The following CCDC62 variants were observed in gnomAD, a reference collection of about 807,000 sequenced individuals.
CCDC62 encodes coiled-coil domain-containing protein 62.
CCDC62 carries 72 observed loss-of-function variants against 80.8 expected under a neutral mutation model. The observed-to-expected ratio is 0.89, with a 90% CI of 0.74 to 1.08. CCDC62 has a LOEUF of 1.08. Among genes scored for constraint, CCDC62 ranks in the 50% least tolerant of loss-of-function variants. CCDC62 has a pLI of 0.00. For missense variants in CCDC62, 704 were observed against 809.4 expected (o/e 0.87, Z 1.58); for synonymous variants, 286 against 296.5 (o/e 0.96, Z 0.36).
chr12:122,791,820 G>T (rs2030625993), intron 5 of CCDC62, among the ~76,000 whole-genome samples, 200 bp from the exon 6 acceptor site: 1 of 152,210 alleles, frequency 6.6e-6, no homozygotes, highest in Non-Finnish European at 1.5e-5. Context: ...GTGCAGGGAG[G>T]TCAGTCAGAT....
intron 9 of CCDC62, among the ~76,000 whole-genome samples, chr12:122,802,337 C>A (rs2031361525): frequency 6.6e-6 from 1 of 150,740 alleles, no homozygotes; most frequent in Non-Finnish European, 1.5e-5. Context: ...TTTGGGAGGC[C>A]AAGGCAGGAG....
chr12:122,825,528 GTA>G (rs2032584059), intron 12 of CCDC62, among the ~76,000 whole-genome samples: 2 of 32,798 alleles, frequency 6.1e-5, no homozygotes, highest in African/African-American at 1.1e-4. Flanking sequence ...TTTTTTTTTT[GTA>G]TTTTTAGTAG....
chr12:122,801,565 T>TC lies in CCDC62; in HGVS notation c.1421dup (p.Ser475LysfsTer28), dbSNP rs2031309047. The TC allele has an allele frequency of 1.2e-6, 2 of 1,613,984 alleles. No individual in the cohort carries two copies. The highest frequency in any genetic ancestry group is 1.3e-5 in the African/African-American group (1 of 74,904). ...GTGTTTACCTGGGCCTGACCAACTG[T>TC]CCAAGTTCAAAACATCCAGAAAAGC... On this transcript the variant is annotated frameshift_variant, in exon 9 of 13. Coordinates refer to ENST00000253079, the MANE Select transcript of CCDC62 (RefSeq NM_201435.5). LOFTEE classifies it high-confidence loss of function.
chr12:122,787,044 A>G (rs1019282305), intron 4 of CCDC62, among the ~76,000 whole-genome samples: 2 of 152,230 alleles, frequency 1.3e-5, no homozygotes, highest in African/African-American at 4.8e-5. Flanking sequence ...AGTGGCTTCA[A>G]CAACCTCTCT....
At chr12:122,806,090 A>C (rs2031581578) in intron 9 of CCDC62, 61 bp from the exon 10 acceptor site, 1 of 1,459,648 alleles carries the variant, frequency 6.9e-7, no homozygotes, top group African/African-American at 1.4e-5. Context: ...TGAGTATAAG[A>C]GTGATCTATG....
chr12:122,806,402 CCG>C (rs1407943001), intron 10 of CCDC62, 107 bp downstream of exon 10: 7 of 667,734 alleles, frequency 1.0e-5, no homozygotes, highest in Admixed American at 4.1e-5. Context: ...GGCTATTCCT[CCG>C]TTTTTTTTTT....
chr12:122,789,872 C>T (rs958222863), intron 5 of CCDC62, among the ~76,000 whole-genome samples: 1 of 152,158 alleles, frequency 6.6e-6, no homozygotes. Flanking sequence ...ATCCCCTTGA[C>T]AGCAGGAACA....
intron 8 of CCDC62, among the ~76,000 whole-genome samples, chr12:122,799,249 T>A (rs928414862): frequency 6.6e-6 from 1 of 152,148 alleles, no homozygotes; most frequent in Non-Finnish European, 1.5e-5. Flanking sequence ...TTCTGTTGTG[T>A]AGAAGGCTTT....
rs753824077 is a variant in CCDC62, at chr12:122,781,173, A to G, written c.239A>G (p.His80Arg). 4 of 1,612,794 alleles carry G rather than the reference A, an allele frequency of 2.5e-6. No individual in the cohort carries two copies. The highest frequency in any genetic ancestry group is 3.4e-5 in the Admixed American group (2 of 59,494). ...ERCSKLEGELHKRTEIIRSLT... is the reference protein window; with the variant it reads ...ERCSKLEGELRKRTEIIRSLT... ...GATGAACTTCCCTCAGGTGAACTAC[A>G]TAAAAGAACTGAAATAATCAGGTCA... Residue 80 changes from histidine to arginine, a missense_variant, in exon 3 of 13, where the codon CAT becomes CGT. By Grantham distance (29) the His-to-Arg change is conservative. Transcript: ENST00000253079.
intron 10 of CCDC62, among the ~76,000 whole-genome samples, chr12:122,809,558 G>T (rs2031778881): frequency 1.3e-5 from 2 of 152,198 alleles, no homozygotes; most frequent in South Asian, 4.1e-4. Context: ...GGCTGAGGCG[G>T]GTGGATCACC....
At chr12:122,788,336 C>A (rs1178105675) in intron 4 of CCDC62, among the ~76,000 whole-genome samples, 1 of 152,082 alleles carries the variant, frequency 6.6e-6, no homozygotes, top group Non-Finnish European at 1.5e-5. Context: ...GAATGATGGG[C>A]CATTAGACTT....
At chr12:122,786,816 C>T (rs996349426) in intron 4 of CCDC62, among the ~76,000 whole-genome samples, 5 of 151,910 alleles carry the variant, frequency 3.3e-5, no homozygotes, top group East Asian at 2.0e-4. Flanking sequence ...AAAAATTCCC[C>T]GGGCGAGGTG....
chr12:122,794,953 G>A (rs1275755917), intron 6 of CCDC62, among the ~76,000 whole-genome samples: 1 of 152,190 alleles, frequency 6.6e-6, no homozygotes, highest in Admixed American at 6.6e-5. Flanking sequence ...TTATAGGCAT[G>A]AGCCATCGTG....
intron 11 of CCDC62, among the ~76,000 whole-genome samples, chr12:122,816,803 GT>G (rs71724574): frequency 0.11 from 16,605 of 151,626 alleles, 2,105 homozygotes; most frequent in African/African-American, 0.31. Context: ...CAATTTGGTG[GT>G]TTTTTTTAAA....
intron 10 of CCDC62, among the ~76,000 whole-genome samples, chr12:122,812,659 T>G (rs1164590351): frequency 6.9e-4 from 8 of 11,674 alleles, no homozygotes; most frequent in Admixed American, 2.3e-3. Context: ...TGGGTGGAGC[T>G]TGAAGTGAGC....
At chr12:122,789,659 C>G (rs1247925151) in intron 5 of CCDC62, among the ~76,000 whole-genome samples, 2 of 152,196 alleles carry the variant, frequency 1.3e-5, no homozygotes, top group African/African-American at 4.8e-5. Context: ...TCTGGAACTC[C>G]CGACCTCAGG....
chr12:122,788,582 C>T (rs1167515012), intron 4 of CCDC62, among the ~76,000 whole-genome samples, 176 bp from the exon 5 acceptor site: 1 of 152,160 alleles, frequency 6.6e-6, no homozygotes, highest in Non-Finnish European at 1.5e-5. Context: ...TCATCTGTCA[C>T]TTGGCAAGAA....
rs1879285445 is a variant in CCDC62 at position 122,774,601 on chromosome 12, A to G, written c.-70A>G. ...CGGGCTCGCCCCCGCCGCTCGGGGC[A>G]GGCGCGCCGATGGCGTTTCTGAGGT... On this transcript the variant is annotated 5_prime_UTR_variant, in exon 1 of 13. Coordinates refer to ENST00000253079, the MANE Select transcript of CCDC62 (RefSeq NM_201435.5). 4 of 1,148,440 alleles carry G rather than the reference A, an allele frequency of 3.5e-6. No individual in the cohort carries two copies. The highest frequency in any genetic ancestry group is 3.3e-6 in the Non-Finnish European group (3 of 903,196). 71.1% of individuals were successfully genotyped at this position (1,148,440 alleles called of 1,614,324 possible).
chr12:122,805,506 G>C lies in CCDC62; in HGVS notation c.1707-645G>C, dbSNP rs572234673. 9.5e-3 allele frequency among the ~76,000 whole-genome samples: 1,003 copies of C among 105,224 alleles called. 11 individuals are homozygous for C. The highest frequency in any genetic ancestry group is 0.011 in the Middle Eastern group (2 of 178). 69.0% of individuals were successfully genotyped at this position (105,224 alleles called of 152,430 possible). On this transcript the variant is annotated intron_variant, in intron 9 of 12. Transcript: ENST00000253079. ...TTACAGGCACATGCCACCACACCCA[G>C]CTCTTTTTTTTTTTTTTTTTTTTTT...
Sources: allele counts gnomAD v4.1 joint callset (sites outside exome capture counted in the v4.1 genomes callset), GRCh38; gene constraint gnomAD v4.1.1; transcripts MANE v1.5; gene names NCBI Gene and HGNC (gene_info 2026-07-23, HGNC 2026-07-21).